Variants in WDPCP observed in about 807,000 individuals in gnomAD.
WDPCP encodes the protein WD repeat-containing and planar cell polarity effector protein fritz homolog.
A neutral mutation model predicts 93.1 loss-of-function variants in WDPCP; 71 were observed. The observed-to-expected ratio is 0.76, with a 90% CI of 0.63 to 0.93. The LOEUF (loss-of-function observed/expected upper bound fraction) is 0.93, where lower values mean the gene tolerates loss of function less well. WDPCP is among the 40% of genes least tolerant of loss of function. WDPCP has a pLI of 0.00. For synonymous variants in WDPCP, 315 were observed against 315.0 expected, an observed-to-expected ratio of 1.00 and a Z score of 0.00; for missense variants, 844 against 887.4, an observed-to-expected ratio of 0.95 and a Z score of 0.62.
chr2:63,223,399 A>G (rs1678005475), intron 14 of WDPCP, among the ~76,000 whole-genome samples: 1 of 152,160 alleles, frequency 6.6e-6, no homozygotes, highest in African/African-American at 2.4e-5. Context: ...TGGTTGTGAA[A>G]ATCTGATTGG....
At chr2:63,284,081 CTT>C (rs879362912) in intron 13 of WDPCP, among the ~76,000 whole-genome samples, 1 of 147,934 alleles carries the variant, frequency 6.8e-6, no homozygotes, top group Non-Finnish European at 1.5e-5. Context: ...ATATAAAAGA[CTT>C]TTTTTTTTAC....
intron 6 of WDPCP, among the ~76,000 whole-genome samples, chr2:63,450,471 C>T (rs1698164252): frequency 6.6e-6 from 1 of 152,112 alleles, no homozygotes; most frequent in Non-Finnish European, 1.5e-5. Context: ...CTCATGAACC[C>T]ACTCACACAC....
At chr2:63,791,705 A>G (rs983130922) in intron 2 of WDPCP, among the ~76,000 whole-genome samples, 3 of 152,138 alleles carry the variant, frequency 2.0e-5, no homozygotes, top group Non-Finnish European at 4.4e-5. Flanking sequence ...CTAGGGTATC[A>G]GGGAGGATCT....
intron 13 of WDPCP, among the ~76,000 whole-genome samples, chr2:63,292,369 T>TA (rs1316153692): frequency 5.3e-5 from 3 of 56,384 alleles, no homozygotes; most frequent in Non-Finnish European, 8.9e-5. Context: ...ACAGTTTTAT[T>TA]TAAAAAAAAA....
intron 6 of WDPCP, among the ~76,000 whole-genome samples, chr2:63,465,524 T>C (rs1158652159): frequency 6.6e-6 from 1 of 152,194 alleles, no homozygotes; most frequent in Admixed American, 6.6e-5. Context: ...ACAGTGCCCC[T>C]AGGCCAAAAG....
intron 6 of WDPCP, among the ~76,000 whole-genome samples, chr2:63,472,434 T>C (rs1016177825): frequency 3.3e-5 from 5 of 152,058 alleles, no homozygotes; most frequent in African/African-American, 1.2e-4. Flanking sequence ...TTTTATCTCC[T>C]ATCACCTTTG....
chr2:63,437,112 A>G (rs1327174954), intron 8 of WDPCP, among the ~76,000 whole-genome samples: 1 of 152,058 alleles, frequency 6.6e-6, no homozygotes, highest in Non-Finnish European at 1.5e-5. Context: ...TGAGAATGGT[A>G]TATATACTAC....
At chr2:63,753,552 G>A (rs937153099) in intron 2 of WDPCP, among the ~76,000 whole-genome samples, 2 of 152,156 alleles carry the variant, frequency 1.3e-5, no homozygotes, top group African/African-American at 4.8e-5. Flanking sequence ...GGAGGCCTCA[G>A]GAAATTTACA....
At chr2:63,680,334 C>G (rs892767872) in intron 2 of WDPCP, among the ~76,000 whole-genome samples, 2 of 152,216 alleles carry the variant, frequency 1.3e-5, no homozygotes, top group Non-Finnish European at 2.9e-5. Context: ...ATGCCACCCC[C>G]TCCCCCATTC....
chr2:63,400,677 T>C (rs1307410871), intron 10 of WDPCP, among the ~76,000 whole-genome samples: 2 of 152,200 alleles, frequency 1.3e-5, no homozygotes, highest in Non-Finnish European at 2.9e-5. Context: ...GGAGCCCATA[T>C]AGCCAAGACA....
chr2:63,560,222 G>C (rs183915345), intron 1 of WDPCP, among the ~76,000 whole-genome samples: 2 of 151,510 alleles, frequency 1.3e-5, no homozygotes, highest in African/African-American at 2.4e-5. Context: ...AAAATCCGTC[G>C]CAAGAAAATA....
intron 1 of WDPCP, among the ~76,000 whole-genome samples, chr2:63,504,944 A>T (rs758294203): frequency 3.9e-5 from 6 of 152,024 alleles, no homozygotes; most frequent in Non-Finnish European, 7.4e-5. Context: ...TCCAATATGA[A>T]TTATTAATAT....
intron 2 of WDPCP, among the ~76,000 whole-genome samples, chr2:63,688,943 T>G (rs1668851742): frequency 6.6e-6 from 1 of 152,128 alleles, no homozygotes; most frequent in Non-Finnish European, 1.5e-5. Flanking sequence ...GCCCTCCTTT[T>G]TCTGTCTCAT....
chr2:63,687,427 G>A (rs377493249), intron 2 of WDPCP, among the ~76,000 whole-genome samples: 25 of 152,274 alleles, frequency 1.6e-4, no homozygotes, highest in African/African-American at 5.8e-4. Flanking sequence ...TTTGCAAGCT[G>A]CCCATCTGAC....
chr2:63,170,020 G>T (rs1330689167), intron 15 of WDPCP, among the ~76,000 whole-genome samples: 3 of 151,064 alleles, frequency 2.0e-5, no homozygotes, highest in Non-Finnish European at 2.9e-5. Flanking sequence ...AGTCTCCCAA[G>T]TAGCTGGGAC....
At chr2:63,707,592 A>G (rs368083515) in intron 2 of WDPCP, among the ~76,000 whole-genome samples, 9 of 152,042 alleles carry the variant, frequency 5.9e-5, no homozygotes, top group Non-Finnish European at 1.2e-4. Context: ...TTAGCTCAGA[A>G]TAGTTTGATC....
intron 2 of WDPCP, among the ~76,000 whole-genome samples, chr2:63,672,122 C>G (rs976503645): frequency 2.6e-5 from 4 of 152,152 alleles, no homozygotes; most frequent in African/African-American, 9.7e-5. Flanking sequence ...AGAGTACCTG[C>G]CCTCTAGGAC....
At chr2:63,297,004 T>C (rs990202864) in intron 13 of WDPCP, among the ~76,000 whole-genome samples, 12 of 152,160 alleles carry the variant, frequency 7.9e-5, no homozygotes, top group African/African-American at 2.9e-4. Context: ...GGAAAAAGAA[T>C]GAAGCTGAAA....
chr2:63,311,030 G>C (rs951940955), intron 13 of WDPCP, among the ~76,000 whole-genome samples: 1 of 152,118 alleles, frequency 6.6e-6, no homozygotes, highest in African/African-American at 2.4e-5. Flanking sequence ...CCTTTATATG[G>C]AATGTAAGCC....
Sources: allele counts gnomAD v4.1 joint callset (sites outside exome capture counted in the v4.1 genomes callset), GRCh38; gene constraint gnomAD v4.1.1; transcripts MANE v1.5; gene names NCBI Gene and HGNC (gene_info 2026-07-23, HGNC 2026-07-21).